Variants in R3HDM2 observed in about 807,000 individuals in gnomAD.
R3HDM2 encodes the protein R3H domain-containing protein 2.
Under a neutral mutation model 124.5 loss-of-function variants are expected in R3HDM2, and 38 were observed. The ratio of observed to expected loss-of-function variants is 0.31; its 90% CI spans 0.24 to 0.40. The LOEUF (loss-of-function observed/expected upper bound fraction) is 0.40, where lower values mean the gene tolerates loss of function less well. Ranked by LOEUF, R3HDM2 falls within the 10% of genes least tolerant of loss-of-function variation. The pLI, the probability that R3HDM2 is intolerant of heterozygous loss-of-function variation, is 1.00. For missense variants in R3HDM2, 869 were observed against 1,236.9 expected (o/e 0.70, Z 4.46); for synonymous variants, 391 against 448.0 (o/e 0.87, Z 1.61).
At chr12:57,317,691 G>C (rs2055411096) in intron 2 of R3HDM2, among the ~76,000 whole-genome samples, 1 of 144,300 alleles carries the variant, frequency 6.9e-6, no homozygotes, top group African/African-American at 2.5e-5. Context: ...AAAAAAAAGG[G>C]TATATTAACA....
At chr12:57,292,543 G>C in intron 11 of R3HDM2, 29 bp downstream of exon 11, 1 of 1,436,972 alleles carries the variant, frequency 7.0e-7, no homozygotes, top group Non-Finnish European at 9.6e-7. Context: ...AAAAGCTATG[G>C]GCTGACAACT....
intron 2 of R3HDM2, among the ~76,000 whole-genome samples, chr12:57,351,676 A>T (rs2060690970): frequency 6.6e-6 from 1 of 152,258 alleles, no homozygotes; most frequent in African/African-American, 2.4e-5. Flanking sequence ...TTTGAATGTC[A>T]TATATAAAAT....
At chr12:57,266,106 CTTTTTTTT>C (rs74991749) in intron 19 of R3HDM2, among the ~76,000 whole-genome samples, 14 of 111,144 alleles carry the variant, frequency 1.3e-4, no homozygotes, top group African/African-American at 4.4e-4. Flanking sequence ...CATAATTTTT[CTTTTTTTT>C]TTTTTTTTTG....
At chr12:57,428,750 T>A (rs1594702402) in intron 1 of R3HDM2, among the ~76,000 whole-genome samples, 1 of 146,358 alleles carries the variant, frequency 6.8e-6, no homozygotes, top group East Asian at 2.0e-4. Context: ...ATGCTATTAT[T>A]TTTTTTTTTT....
intron 2 of R3HDM2, among the ~76,000 whole-genome samples, chr12:57,320,006 C>G (rs987366942): frequency 3.3e-5 from 5 of 152,060 alleles, no homozygotes; most frequent in African/African-American, 4.8e-5. Context: ...TGGCTCACGC[C>G]TGCAATCCCA....
rs76468247 is a variant in R3HDM2 at position 57,415,602 on chromosome 12, A to C, written c.-106+15118T>G. 4.2e-3 allele frequency among the ~76,000 whole-genome samples: 634 copies of C among 152,240 alleles called. 21 individuals carry two copies. The East Asian group carries it at 0.068, about 16-fold the overall frequency. ...GTGGAAAAAAAAAAAAAAAGCAGAAAGATTCCTTTACAATGAAGAAATCTA... is the reference window on the plus strand; with the variant it reads ...GTGGAAAAAAAAAAAAAAAGCAGAACGATTCCTTTACAATGAAGAAATCTA... On this transcript the variant is annotated intron_variant, in intron 1 of 23. Coordinates refer to ENST00000402412, the MANE Select transcript of R3HDM2 (RefSeq NM_001394031.1).
intron 1 of R3HDM2, among the ~76,000 whole-genome samples, chr12:57,425,998 C>T (rs961928822): frequency 2.6e-5 from 4 of 152,078 alleles, no homozygotes; most frequent in African/African-American, 9.7e-5. Flanking sequence ...GAGGCCGAGG[C>T]GGGCAGATCA....
Position 57,280,420 on chromosome 12 carries a change from G to A in R3HDM2, c.1282C>T (p.Leu428Phe), listed in dbSNP as rs759991344. Residue 428 changes from leucine (L) to phenylalanine (F), a missense_variant, in exon 14 of 24, where the codon CTT (leucine) becomes TTT (phenylalanine). Physicochemically the swap from Leu to Phe is conservative, Grantham distance 22. Coordinates refer to ENST00000402412, the MANE Select transcript of R3HDM2 (RefSeq NM_001394031.1). ...TGAGGCGTGGGTGGGAGAGCAGGAA[G>A]TTGCTGCTGCTGCTGCTGCTGTTGC... is the stretch of plus-strand genomic sequence containing the variant. ...QQQQQQQQQQ[L>F]PALPPTPQQQ... The A allele has an allele frequency of 5.6e-6, 9 of 1,614,048 alleles. No individual in the cohort carries two copies. In the Admixed American group the frequency reaches 1.5e-4, roughly 27 times the overall value.
intron 2 of R3HDM2, among the ~76,000 whole-genome samples, chr12:57,375,609 G>C (rs1468607264): frequency 6.6e-6 from 1 of 151,528 alleles, no homozygotes; most frequent in Non-Finnish European, 1.5e-5. Context: ...TATTTTCAAA[G>C]GAGAAACAGG....
At chr12:57,386,882 T>C (rs1459734628) in intron 2 of R3HDM2, among the ~76,000 whole-genome samples, 1 of 151,942 alleles carries the variant, frequency 6.6e-6, no homozygotes, top group Non-Finnish European at 1.5e-5. Flanking sequence ...AATTGGCACT[T>C]GGTATCTAGT....
intron 1 of R3HDM2, among the ~76,000 whole-genome samples, chr12:57,403,530 C>CT (rs1246222966): frequency 6.6e-6 from 1 of 150,916 alleles, no homozygotes. Context: ...AAGATGGGGC[C>CT]TGGCATGGTG....
chr12:57,349,379 C>CAAGAAA (rs2060432384), intron 2 of R3HDM2, among the ~76,000 whole-genome samples: 1 of 57,776 alleles, frequency 1.7e-5, no homozygotes, highest in Non-Finnish European at 2.8e-5. Context: ...ACTCCGTCTC[C>CAAGAAA]AAAAAAAAAA....
chr12:57,338,158 C>A (rs1035110268), intron 2 of R3HDM2, among the ~76,000 whole-genome samples: 1 of 152,080 alleles, frequency 6.6e-6, no homozygotes, highest in African/African-American at 2.4e-5. Flanking sequence ...ACAAAATTAT[C>A]CGGGCATGGT....
rs1037836487 is a variant in R3HDM2, at chr12:57,322,865, G to C, written c.-35-12402C>G. 2.6e-5 allele frequency among the ~76,000 whole-genome samples: 4 copies of C among 152,052 alleles called. No homozygotes were observed. In the East Asian group the frequency reaches 7.7e-4, roughly 29 times the overall value. On this transcript the variant is annotated intron_variant, in intron 2 of 23. Transcript: ENST00000402412. ...ATTCTGGGGTGTGGAGTGTCGGATG[G>C]GAAGGGTGCCTAGATCTGAGGCCTC...
At chr12:57,424,312 C>G (rs2070500867) in intron 1 of R3HDM2, among the ~76,000 whole-genome samples, 1 of 151,642 alleles carries the variant, frequency 6.6e-6, no homozygotes, top group Admixed American at 6.6e-5. Context: ...CATGTGATAC[C>G]ATAACACCCA....
chr12:57,269,673 C>G (rs2043176231), intron 15 of R3HDM2, 79 bp downstream of exon 15: 2 of 1,585,818 alleles, frequency 1.3e-6, no homozygotes, highest in Non-Finnish European at 1.7e-6. Context: ...TCTGGTCTGT[C>G]TAAACTGGAG....
chr12:57,376,017 T>TCA (rs1167879471), intron 2 of R3HDM2, among the ~76,000 whole-genome samples: 4 of 152,178 alleles, frequency 2.6e-5, no homozygotes, highest in Non-Finnish European at 4.4e-5. Context: ...GAGTAAGCCA[T>TCA]CATCTCATTC....
At chr12:57,340,094 A>G (rs929437758) in intron 2 of R3HDM2, among the ~76,000 whole-genome samples, 2 of 152,214 alleles carry the variant, frequency 1.3e-5, no homozygotes, top group African/African-American at 4.8e-5. Context: ...AATAAAAAGA[A>G]CTTTTGGCAA....
At chr12:57,416,346 A>T (rs138733316) in intron 1 of R3HDM2, among the ~76,000 whole-genome samples, 2 of 152,286 alleles carry the variant, frequency 1.3e-5, no homozygotes, top group African/African-American at 4.8e-5. Context: ...AATACAGGTA[A>T]ATGTCATACC....
Sources: gnomAD v4.1 joint callset for allele counts (sites outside exome capture counted in the v4.1 genomes callset) on GRCh38, gnomAD v4.1.1 for gene constraint, MANE v1.5 for transcripts, NCBI Gene and HGNC (gene_info 2026-07-23, HGNC 2026-07-21) for gene names.